Variants in SYT9 observed in about 807,000 individuals in gnomAD.
SYT9 encodes synaptotagmin 9, also known as synaptotagmin-9.
In SYT9, 22 loss-of-function variants were observed where a neutral mutation model predicts 48.4. The ratio of observed to expected loss-of-function variants is 0.45; its 90% CI spans 0.32 to 0.65. The LOEUF (loss-of-function observed/expected upper bound fraction) is 0.65. Ranked by LOEUF, SYT9 falls within the 30% of genes least tolerant of loss-of-function variation. The pLI, the probability that SYT9 is intolerant of heterozygous loss-of-function variation, is 0.03. For synonymous variants in SYT9, 265 were observed against 245.0 expected (o/e 1.08, Z -0.76); for missense variants, 577 against 622.0 (o/e 0.93, Z 0.77).
In SYT9 at chr11:7,467,929, C is replaced by A; in HGVS notation, c.*1129C>A. 4.6e-6 allele frequency: 1 copy of A among 218,278 alleles called. No homozygotes were observed. Among genetic ancestry groups the A allele is most frequent in the Non-Finnish European group, 8.9e-6 (1 of 111,872 alleles). 13.5% of individuals were successfully genotyped at this position (218,278 alleles called of 1,614,324 possible). On this transcript the variant is annotated 3_prime_UTR_variant, in exon 7 of 7. Coordinates refer to ENST00000318881, the MANE Select transcript of SYT9 (RefSeq NM_175733.4). ...CCCTCCCCAGGCATCTCATTCATTACTCAGCTTCCTTCCTGACCAAGTCTG... is the reference window on the plus strand; with the variant it reads ...CCCTCCCCAGGCATCTCATTCATTAATCAGCTTCCTTCCTGACCAAGTCTG...
chr11:7,243,238 T>G (rs59700737), intron 1 of SYT9, among the ~76,000 whole-genome samples: 1 of 152,180 alleles, frequency 6.6e-6, no homozygotes, highest in Non-Finnish European at 1.5e-5. Flanking sequence ...AGCTTAAATA[T>G]GGAAATTAAG....
intron 6 of SYT9, among the ~76,000 whole-genome samples, chr11:7,460,590 T>C (rs1256388681): frequency 6.6e-6 from 1 of 152,158 alleles, no homozygotes; most frequent in African/African-American, 2.4e-5. Context: ...TTTCAATATC[T>C]TAAAAATAAG....
chr11:7,456,273 A>G (rs1326465327), intron 6 of SYT9, among the ~76,000 whole-genome samples: 1 of 152,230 alleles, frequency 6.6e-6, no homozygotes, highest in Non-Finnish European at 1.5e-5. Flanking sequence ...TTGCTCTCTG[A>G]TCATGGAGAA....
At chr11:7,293,971 G>A (rs1305496902) in intron 1 of SYT9, among the ~76,000 whole-genome samples, 1 of 152,082 alleles carries the variant, frequency 6.6e-6, no homozygotes, top group Non-Finnish European at 1.5e-5. Flanking sequence ...AGTCTATTTG[G>A]GCTACTATAA....
intron 1 of SYT9, among the ~76,000 whole-genome samples, chr11:7,291,807 T>G (rs964300117): frequency 6.6e-6 from 1 of 152,208 alleles, no homozygotes; most frequent in African/African-American, 2.4e-5. Flanking sequence ...TTCTGCTCTC[T>G]AAACACATGC....
intron 3 of SYT9, among the ~76,000 whole-genome samples, chr11:7,320,043 C>T (rs1364777815): frequency 6.6e-6 from 1 of 152,024 alleles, no homozygotes; most frequent in African/African-American, 2.4e-5. Context: ...TTTTAAAAAG[C>T]CATTTTGCTT....
intron 6 of SYT9, among the ~76,000 whole-genome samples, chr11:7,456,338 C>T (rs567736063): frequency 1.3e-5 from 2 of 152,344 alleles, no homozygotes; most frequent in South Asian, 4.1e-4. Context: ...TGTGTAAGTA[C>T]TCAAGGGAGG....
chr11:7,368,347 T>TGTTC (rs71470474), intron 3 of SYT9, among the ~76,000 whole-genome samples: 1 of 151,758 alleles, frequency 6.6e-6, no homozygotes, highest in Non-Finnish European at 1.5e-5. Context: ...ATAATGGGGT[T>TGTTC]TTGTTGTTGT....
In SYT9 at chr11:7,400,872, T is replaced by C. The variant is rs575406664; in HGVS notation, c.1045-15170T>C. Among the ~76,000 whole-genome samples, 14 of 152,266 alleles carry C rather than the reference T, an allele frequency of 9.2e-5. No homozygotes were observed. The South Asian group carries it at 2.9e-3, about 32-fold the overall frequency. ...CAAAACATGTGTATAATATGTAATA[T>C]ATATAATAATGTAGGTGGAGACTGA... On this transcript the variant is annotated intron_variant, in intron 3 of 6. Transcript: ENST00000318881.
At chr11:7,336,242 C>A (rs991242462) in intron 3 of SYT9, among the ~76,000 whole-genome samples, 1 of 152,022 alleles carries the variant, frequency 6.6e-6, no homozygotes, top group Admixed American at 6.6e-5. Context: ...GGATATTAGA[C>A]CTTTGTTAGA....
chr11:7,447,822 C>T (rs7111866), intron 6 of SYT9, among the ~76,000 whole-genome samples: 2,239 of 152,268 alleles, frequency 0.015, 43 homozygotes, highest in African/African-American at 0.049. Context: ...AATCCTGAGG[C>T]CATTGTGTAG....
chr11:7,287,935 C>T (rs1848627029), intron 1 of SYT9, among the ~76,000 whole-genome samples: 1 of 152,084 alleles, frequency 6.6e-6, no homozygotes, highest in East Asian at 1.9e-4. Context: ...TATAAGTTTG[C>T]TGAAGGAAGT....
intron 1 of SYT9, among the ~76,000 whole-genome samples, chr11:7,300,209 G>C (rs1167449110): frequency 3.3e-5 from 5 of 151,920 alleles, no homozygotes; most frequent in African/African-American, 1.2e-4. Context: ...CTGTGGATCA[G>C]CTGTAGCTTT....
chr11:7,442,888 C>T (rs1167645267), intron 6 of SYT9, among the ~76,000 whole-genome samples: 1 of 152,036 alleles, frequency 6.6e-6, no homozygotes, highest in Non-Finnish European at 1.5e-5. Flanking sequence ...GTGTACCACG[C>T]GATGTCCAGA....
intron 6 of SYT9, chr11:7,427,428 G>A (rs1444874106): frequency 6.6e-6 from 1 of 152,204 alleles, no homozygotes; most frequent in Non-Finnish European, 1.5e-5. Flanking sequence ...TGAATCATGA[G>A]GGTCCCCCTC....
chr11:7,345,496 G>C (rs1254848977), intron 3 of SYT9, among the ~76,000 whole-genome samples: 2 of 152,218 alleles, frequency 1.3e-5, no homozygotes, highest in African/African-American at 2.4e-5. Context: ...TGAAGAAAGA[G>C]AGTGGTCAAA....
intron 1 of SYT9, among the ~76,000 whole-genome samples, chr11:7,270,848 C>CAT (rs1848282223): frequency 6.8e-6 from 1 of 146,670 alleles, no homozygotes; most frequent in Non-Finnish European, 1.5e-5. Flanking sequence ...CACACACACA[C>CAT]ACACACACAC....
At chr11:7,419,944 C>T (rs1213199032) in intron 5 of SYT9, among the ~76,000 whole-genome samples, 2 of 152,144 alleles carry the variant, frequency 1.3e-5, no homozygotes, top group Admixed American at 1.3e-4. Flanking sequence ...ATGTATCTTT[C>T]TATAGTTGGG....
intron 3 of SYT9, among the ~76,000 whole-genome samples, chr11:7,413,859 A>G (rs1847188353): frequency 6.6e-6 from 1 of 151,704 alleles, no homozygotes; most frequent in Non-Finnish European, 1.5e-5. Context: ...TAGCCTCCAG[A>G]GTAGCTAGGA....
Sources: allele counts gnomAD v4.1 joint callset (sites outside exome capture counted in the v4.1 genomes callset), GRCh38; gene constraint gnomAD v4.1.1; transcripts MANE v1.5; gene names NCBI Gene and HGNC (gene_info 2026-07-23, HGNC 2026-07-21).